ALPK1: variants seen among roughly 807,000 people sequenced by gnomAD.
ALPK1 encodes alpha kinase 1, also known as alpha-protein kinase 1.
ALPK1 carries 110 observed loss-of-function variants against 120.6 expected under a neutral mutation model. The observed-to-expected ratio is 0.91, with a 90% CI of 0.78 to 1.07. ALPK1 has a LOEUF of 1.07. Among genes scored for constraint, ALPK1 ranks in the 50% least tolerant of loss-of-function variants. The pLI, the probability that ALPK1 is intolerant of heterozygous loss-of-function variation, is 0.00. For missense variants in ALPK1, 1,498 were observed against 1,483.9 expected (o/e 1.01, Z -0.16); for synonymous variants, 582 against 560.3 (o/e 1.04, Z -0.55).
chr4:112,334,708 C>T (rs1729536381), intron 2 of ALPK1, among the ~76,000 whole-genome samples: 1 of 152,062 alleles, frequency 6.6e-6, no homozygotes, highest in Non-Finnish European at 1.5e-5. Context: ...AGGAATTTTA[C>T]CTATTATTTT....
intron 2 of ALPK1, among the ~76,000 whole-genome samples, chr4:112,334,155 A>C (rs988520992): frequency 6.6e-6 from 1 of 152,170 alleles, no homozygotes; most frequent in Non-Finnish European, 1.5e-5. Context: ...TTTCCAGGCC[A>C]GGCTCAGTGG....
chr4:112,307,278 A>C (rs1181511352), intron 1 of ALPK1, among the ~76,000 whole-genome samples: 2 of 152,060 alleles, frequency 1.3e-5, no homozygotes, highest in Non-Finnish European at 2.9e-5. Flanking sequence ...CGCTTGGTGC[A>C]GAGCTGAGTT....
chr4:112,374,840 G>A (rs1045425717), intron 2 of ALPK1, among the ~76,000 whole-genome samples: 14 of 152,198 alleles, frequency 9.2e-5, no homozygotes, highest in African/African-American at 3.4e-4. Flanking sequence ...GGTCTCAACA[G>A]GGCACTTAAA....
chr4:112,335,086 C>A lies in ALPK1; in HGVS notation c.-101+19234C>A, dbSNP rs542174769. 1.4e-4 allele frequency among the ~76,000 whole-genome samples: 21 copies of A among 152,062 alleles called. 1 individual carries two copies. The South Asian group carries it at 4.4e-3, about 32-fold the overall frequency. On this transcript the variant is annotated intron_variant, in intron 2 of 15. Coordinates refer to ENST00000650871, the MANE Select transcript of ALPK1 (RefSeq NM_025144.4). Reference sequence around the variant, plus strand: ...CAGCCTAACCAACATGAAGAAACCCCATCTCTACTAAAAACACAAACTAGC... The same window carrying A: ...CAGCCTAACCAACATGAAGAAACCCAATCTCTACTAAAAACACAAACTAGC...
At chr4:112,358,901 CT>C in intron 2 of ALPK1, 1 of 770,454 alleles carries the variant, frequency 1.3e-6, no homozygotes, top group Non-Finnish European at 2.4e-6. Context: ...TTGGCCTCCT[CT>C]TTGCTGAAAA....
intron 5 of ALPK1, among the ~76,000 whole-genome samples, chr4:112,419,665 T>C (rs930875437): frequency 1.3e-5 from 2 of 152,176 alleles, no homozygotes; most frequent in Non-Finnish European, 2.9e-5. Flanking sequence ...CATCCTCTGA[T>C]GAGAATGTGA....
chr4:112,310,265 T>A (rs1728334501), intron 1 of ALPK1, among the ~76,000 whole-genome samples: 1 of 152,092 alleles, frequency 6.6e-6, no homozygotes, highest in African/African-American at 2.4e-5. Flanking sequence ...GAGAACTGCA[T>A]CTATTTTCTT....
chr4:112,387,296 G>A (rs1578524505), intron 4 of ALPK1, among the ~76,000 whole-genome samples: 1 of 152,212 alleles, frequency 6.6e-6, no homozygotes, highest in African/African-American at 2.4e-5. Flanking sequence ...GTAAAGTAAA[G>A]GGTGTGTTTG....
Position 112,432,157 on chromosome 4 carries a change from C to T in ALPK1, c.2610C>T (p.Gly870=). The T allele has an allele frequency of 6.2e-7, 1 of 1,614,202 alleles. No homozygotes were observed. The highest frequency in any genetic ancestry group is 1.6e-4 in the Middle Eastern group (1 of 6,062). The change falls in exon 11 of 16, where the codon GGC becomes GGT. Residue 870 remains glycine (G), a synonymous_variant. Coordinates refer to ENST00000650871, the MANE Select transcript of ALPK1 (RefSeq NM_025144.4). ...SMDVPCTNGH[G]SHRLCILRQP... is the part of the protein sequence containing the mutation. ...ATGTTCCCTGCACAAATGGGCACGG[C>T]TCTCATAGACTGTGCATTCTGAGAC...
chr4:112,308,693 A>G (rs920304641), intron 1 of ALPK1, among the ~76,000 whole-genome samples: 1 of 152,044 alleles, frequency 6.6e-6, no homozygotes, highest in Non-Finnish European at 1.5e-5. Context: ...ATGGGTTCGA[A>G]CTTCCTCCTT....
chr4:112,424,261 T>G (rs1218946002), intron 6 of ALPK1, among the ~76,000 whole-genome samples: 2 of 151,662 alleles, frequency 1.3e-5, no homozygotes, highest in African/African-American at 2.4e-5. Flanking sequence ...GAGTATGCTA[T>G]CTAATGAACA....
chr4:112,420,145 A>G (rs891686774), intron 5 of ALPK1, among the ~76,000 whole-genome samples: 4 of 152,250 alleles, frequency 2.6e-5, no homozygotes, highest in African/African-American at 9.6e-5. Flanking sequence ...CAAAACAGGC[A>G]AAACCTCCTG....
At chr4:112,342,337 A>G (rs1417439120) in intron 2 of ALPK1, among the ~76,000 whole-genome samples, 1 of 152,236 alleles carries the variant, frequency 6.6e-6, no homozygotes, top group African/African-American at 2.4e-5. Context: ...TTTAGGACAG[A>G]ACAAGCTACT....
At chr4:112,340,787 T>C (rs1365052747) in intron 2 of ALPK1, among the ~76,000 whole-genome samples, 3 of 152,270 alleles carry the variant, frequency 2.0e-5, no homozygotes, top group Non-Finnish European at 4.4e-5. Context: ...GTATGAGATT[T>C]GATCAGTTTT....
intron 4 of ALPK1, among the ~76,000 whole-genome samples, chr4:112,403,245 G>C (rs1733006230): frequency 6.6e-6 from 1 of 150,884 alleles, no homozygotes; most frequent in African/African-American, 2.4e-5. Flanking sequence ...TTCCCAGGAT[G>C]ATGATGTATT....
chr4:112,376,438 A>G (rs1731665565), intron 2 of ALPK1, among the ~76,000 whole-genome samples: 1 of 152,224 alleles, frequency 6.6e-6, no homozygotes, highest in Admixed American at 6.5e-5. Context: ...ATATGGAGAT[A>G]CGAAGTATAC....
chr4:112,429,366 C>G (rs1734424200), intron 10 of ALPK1, 113 bp downstream of exon 10: 2 of 821,110 alleles, frequency 2.4e-6, no homozygotes, highest in Admixed American at 5.2e-5. Context: ...TGTGTCTCAT[C>G]AGTGGCAATT....
At chr4:112,425,934 G>GT (rs1220294124) in intron 7 of ALPK1, 183 bp downstream of exon 7, 18 of 467,826 alleles carry the variant, frequency 3.8e-5, no homozygotes, top group East Asian at 1.5e-4. Context: ...AATAAAATGT[G>GT]TTTTTTTCTA....
At position 112,321,835 on chromosome 4, in the gene ALPK1, T is replaced by C. The variant is rs140807747; in HGVS notation, c.-101+5983T>C. Reference sequence around the variant, plus strand: ...TTTTAATGTTCCACAAAATTTTCCATTTTTACAGGCCATTACTGAGTCTTA... The same window carrying C: ...TTTTAATGTTCCACAAAATTTTCCACTTTTACAGGCCATTACTGAGTCTTA... On this transcript the variant is annotated intron_variant, in intron 2 of 15. Transcript: ENST00000650871. Among the ~76,000 whole-genome samples the C allele has an allele frequency of 1.1e-4, 16 of 152,326 alleles. No individual in the cohort carries two copies. In the East Asian group the frequency reaches 2.1e-3, roughly 20 times the overall value.
Sources: gnomAD v4.1 joint callset for allele counts (sites outside exome capture counted in the v4.1 genomes callset) on GRCh38, gnomAD v4.1.1 for gene constraint, MANE v1.5 for transcripts, NCBI Gene and HGNC (gene_info 2026-07-23, HGNC 2026-07-21) for gene names.